Variants in MAN1A1 observed in about 807,000 individuals in gnomAD.
MAN1A1 encodes mannosidase alpha class 1A member 1.
A neutral mutation model predicts 70.8 loss-of-function variants in MAN1A1; 29 were observed. The observed-to-expected ratio is 0.41, with a 90% confidence interval of 0.31 to 0.56. MAN1A1 has a LOEUF of 0.56. Among genes scored for constraint, MAN1A1 ranks in the 20% least tolerant of loss-of-function variants. MAN1A1 has a pLI of 0.29. For missense variants in MAN1A1, 747 were observed against 841.3 expected (o/e 0.89, Z 1.39); for synonymous variants, 349 against 330.1 (o/e 1.06, Z -0.62).
intron 12 of MAN1A1, 32 bp downstream of exon 12, chr6:119,180,280 A>G: frequency 6.9e-7 from 1 of 1,456,136 alleles, no homozygotes; most frequent in African/African-American, 1.4e-5. Context: ...CAGGTACCTT[A>G]GCCACATGGT....
intron 8 of MAN1A1, among the ~76,000 whole-genome samples, chr6:119,194,230 A>C (rs985078064): frequency 6.6e-6 from 1 of 152,198 alleles, no homozygotes; most frequent in Admixed American, 6.5e-5. Flanking sequence ...TATTTGCTTT[A>C]GTTCTGAATA....
intron 5 of MAN1A1, among the ~76,000 whole-genome samples, chr6:119,284,260 T>C (rs934289081): frequency 6.6e-6 from 1 of 152,114 alleles, no homozygotes; most frequent in Non-Finnish European, 1.5e-5. Flanking sequence ...TCTCTCACGG[T>C]TTTTTCCCAA....
At chr6:119,274,228 A>G (rs1027259553) in intron 5 of MAN1A1, among the ~76,000 whole-genome samples, 3 of 152,204 alleles carry the variant, frequency 2.0e-5, no homozygotes, top group Non-Finnish European at 4.4e-5. Context: ...TAATGAGTAG[A>G]TATTTTGTAG....
chr6:119,206,865 T>A (rs536169240), intron 6 of MAN1A1, among the ~76,000 whole-genome samples: 1 of 152,130 alleles, frequency 6.6e-6, no homozygotes, highest in Non-Finnish European at 1.5e-5. Flanking sequence ...AGCTGCGACA[T>A]AAGGCAATAT....
intron 5 of MAN1A1, among the ~76,000 whole-genome samples, chr6:119,281,721 A>G (rs1024806950): frequency 3.3e-5 from 5 of 152,080 alleles, no homozygotes; most frequent in African/African-American, 1.2e-4. Context: ...ATGTGTAGGG[A>G]ACTATGCTAA....
At chr6:119,206,672 A>G (rs1330629503) in intron 6 of MAN1A1, among the ~76,000 whole-genome samples, 2 of 152,350 alleles carry the variant, frequency 1.3e-5, no homozygotes, top group Non-Finnish European at 2.9e-5. Context: ...CAATCATCCA[A>G]ATAGGATGAA....
At chr6:119,196,090 G>A (rs1291112033) in intron 8 of MAN1A1, among the ~76,000 whole-genome samples, 1 of 152,150 alleles carries the variant, frequency 6.6e-6, no homozygotes, top group Non-Finnish European at 1.5e-5. Context: ...CCAGGATCCA[G>A]ACGTGTCATT....
intron 5 of MAN1A1, among the ~76,000 whole-genome samples, chr6:119,284,390 CA>C (rs1406953267): frequency 6.6e-6 from 1 of 152,120 alleles, no homozygotes; most frequent in Middle Eastern, 3.2e-3. Flanking sequence ...TCACGGTCAT[CA>C]AAACTTTCTG....
intron 6 of MAN1A1, among the ~76,000 whole-genome samples, chr6:119,242,328 T>C (rs903103763): frequency 6.6e-6 from 1 of 152,154 alleles, no homozygotes; most frequent in Non-Finnish European, 1.5e-5. Context: ...TTTGATCCTA[T>C]AGGTTGGATC....
At chr6:119,232,758 G>T (rs1168137513) in intron 6 of MAN1A1, among the ~76,000 whole-genome samples, 1 of 150,360 alleles carries the variant, frequency 6.7e-6, no homozygotes, top group African/African-American at 2.4e-5. Flanking sequence ...AATTACAGAA[G>T]CATAAGGCAC....
chr6:119,181,528 A>T (rs1773154674), intron 11 of MAN1A1, among the ~76,000 whole-genome samples: 1 of 150,972 alleles, frequency 6.6e-6, no homozygotes, highest in South Asian at 2.1e-4. Flanking sequence ...AAATGATCCT[A>T]CATTTCTGTA....
chr6:119,246,001 A>T (rs1014202152), intron 6 of MAN1A1, among the ~76,000 whole-genome samples: 1 of 152,222 alleles, frequency 6.6e-6, no homozygotes, highest in Non-Finnish European at 1.5e-5. Flanking sequence ...GTACTGAAAA[A>T]TATCTCCATG....
At chr6:119,252,545 G>A (rs866298845) in intron 5 of MAN1A1, among the ~76,000 whole-genome samples, 40 of 152,298 alleles carry the variant, frequency 2.6e-4, no homozygotes, top group African/African-American at 8.9e-4. Flanking sequence ...TGTAATCCCA[G>A]CACTTTGGGA....
chr6:119,202,439 C>A, intron 7 of MAN1A1, among the ~76,000 whole-genome samples: 1 of 151,928 alleles, frequency 6.6e-6, no homozygotes. Context: ...AAGAGGAATA[C>A]CTCTTGAAGG....
intron 5 of MAN1A1, among the ~76,000 whole-genome samples, chr6:119,268,178 A>C (rs1775811326): frequency 1.3e-5 from 2 of 152,222 alleles, no homozygotes; most frequent in African/African-American, 4.8e-5. Flanking sequence ...AAGCAGGTAT[A>C]ATTTTAAGAG....
At chr6:119,305,947 G>A (rs1772513147) in intron 3 of MAN1A1, among the ~76,000 whole-genome samples, 1 of 152,124 alleles carries the variant, frequency 6.6e-6, no homozygotes, top group African/African-American at 2.4e-5. Flanking sequence ...CAGTTAGTAG[G>A]TGGCTATCTC....
At chr6:119,339,105 A>G (rs1372123394) in intron 2 of MAN1A1, among the ~76,000 whole-genome samples, 1 of 152,208 alleles carries the variant, frequency 6.6e-6, no homozygotes, top group Non-Finnish European at 1.5e-5. Flanking sequence ...ATCAAAGAAA[A>G]GCAAACTGAA....
chr6:119,346,735 T>A (rs1773739167), intron 2 of MAN1A1, among the ~76,000 whole-genome samples: 1 of 152,236 alleles, frequency 6.6e-6, no homozygotes, highest in Non-Finnish European at 1.5e-5. Flanking sequence ...CATCTATGTA[T>A]CTTTCGTATT....
chr6:119,277,955 AAAAG>A (rs1776119509), intron 5 of MAN1A1, among the ~76,000 whole-genome samples: 1 of 131,240 alleles, frequency 7.6e-6, no homozygotes, highest in Non-Finnish European at 1.7e-5. Context: ...AAAAAAAAAA[AAAAG>A]TAAAAATAAA....
Sources: allele counts gnomAD v4.1 joint callset (sites outside exome capture counted in the v4.1 genomes callset), GRCh38; gene constraint gnomAD v4.1.1; transcripts MANE v1.5; gene names NCBI Gene and HGNC (gene_info 2026-07-23, HGNC 2026-07-21).